The following ARPP21 variants were observed in gnomAD, a reference collection of about 807,000 sequenced individuals.
ARPP21 encodes the protein cAMP regulated phosphoprotein 21.
Under a neutral mutation model 113.2 loss-of-function variants are expected in ARPP21, and 69 were observed. The ratio of observed to expected loss-of-function variants is 0.61; its 90% CI spans 0.50 to 0.74. The LOEUF is 0.74. Among genes scored for constraint, ARPP21 ranks in the 30% least tolerant of loss-of-function variants. The pLI, the probability that ARPP21 is intolerant of heterozygous loss-of-function variation, is 0.00. For missense variants in ARPP21, 1,070 were observed against 1,037.4 expected, an observed-to-expected ratio of 1.03 and a Z score of -0.43; for synonymous variants, 368 against 375.5, an observed-to-expected ratio of 0.98 and a Z score of 0.23.
intron 19 of ARPP21, among the ~76,000 whole-genome samples, chr3:35,768,582 G>A (rs2151462365): frequency 6.6e-6 from 1 of 152,194 alleles, no homozygotes; most frequent in African/African-American, 2.4e-5. Context: ...TACAACAAAA[G>A]GAGCATTACT....
chr3:35,681,664 A>C, intron 2 of ARPP21, 50 bp from the exon 3 acceptor site: 2 of 896,132 alleles, frequency 2.2e-6, no homozygotes, highest in Non-Finnish European at 3.4e-6. Context: ...CTAAAGAATG[A>C]TAGTAAATAC....
At chr3:35,706,890 A>G in intron 9 of ARPP21, 84 bp from the exon 10 acceptor site, 3 of 990,210 alleles carry the variant, frequency 3.0e-6, no homozygotes, top group Non-Finnish European at 4.6e-6. Context: ...GTTAAATGAC[A>G]CTGTGGGGGA....
At chr3:35,670,743 C>T (rs1269945246) in intron 1 of ARPP21, among the ~76,000 whole-genome samples, 10 of 152,108 alleles carry the variant, frequency 6.6e-5, no homozygotes, top group Non-Finnish European at 1.0e-4. Flanking sequence ...AAGAAAAACA[C>T]GCAGATTCTG....
At chr3:35,768,428 G>T (rs2096068075) in intron 19 of ARPP21, among the ~76,000 whole-genome samples, 1 of 152,050 alleles carries the variant, frequency 6.6e-6, no homozygotes, top group South Asian at 2.1e-4. Context: ...CGGACATATA[G>T]TCTAAATTCT....
At chr3:35,712,352 A>G (rs544751622) in intron 11 of ARPP21, among the ~76,000 whole-genome samples, 76 of 152,056 alleles carry the variant, frequency 5.0e-4, no homozygotes, top group African/African-American at 1.8e-3. Flanking sequence ...AGTGATTTAA[A>G]TAGGTTCAAA....
chr3:35,765,806 T>A (rs572517177), intron 19 of ARPP21, among the ~76,000 whole-genome samples: 1 of 152,280 alleles, frequency 6.6e-6, no homozygotes, highest in South Asian at 2.1e-4. Flanking sequence ...AACTAAGGAA[T>A]TTGATTTCCT....
chr3:35,737,666 T>C (rs2094439008), intron 16 of ARPP21, among the ~76,000 whole-genome samples: 1 of 152,214 alleles, frequency 6.6e-6, no homozygotes, highest in South Asian at 2.1e-4. Flanking sequence ...TCTCAGAGAC[T>C]GAACTCTAGG....
chr3:35,685,466 A>C, intron 5 of ARPP21: 5 of 985,178 alleles, frequency 5.1e-6, no homozygotes, highest in Non-Finnish European at 6.0e-6. Context: ...AAAGAAACAG[A>C]CTTTTGAGTT....
At chr3:35,761,325 A>G (rs1167727910) in intron 19 of ARPP21, among the ~76,000 whole-genome samples, 2 of 152,098 alleles carry the variant, frequency 1.3e-5, no homozygotes, top group Non-Finnish European at 2.9e-5. Flanking sequence ...AGATGTAGGT[A>G]AGGTACGTGA....
chr3:35,792,070 A>G, intron 19 of ARPP21: 1 of 201,190 alleles, frequency 5.0e-6, no homozygotes, highest in Non-Finnish European at 1.0e-5. Context: ...GGTGTAATTT[A>G]TAGTAGTCAA....
intron 1 of ARPP21, among the ~76,000 whole-genome samples, chr3:35,668,017 G>A (rs181169586): frequency 1.9e-3 from 286 of 149,566 alleles, no homozygotes; most frequent in African/African-American, 6.6e-3. Context: ...AGAAGAAGAA[G>A]AAGAAGAAGA....
At chr3:35,757,811 T>G (rs1197399373) in intron 19 of ARPP21, among the ~76,000 whole-genome samples, 3 of 152,112 alleles carry the variant, frequency 2.0e-5, no homozygotes, top group African/African-American at 7.2e-5. Flanking sequence ...ATTTCTTATT[T>G]ATTTGGTATT....
intron 1 of ARPP21, among the ~76,000 whole-genome samples, chr3:35,641,966 T>C (rs1464242948): frequency 6.6e-6 from 1 of 152,216 alleles, no homozygotes; most frequent in Non-Finnish European, 1.5e-5. Context: ...CCAGGCATGA[T>C]TTATGCCATT....
chr3:35,761,461 T>C (rs973815166), intron 19 of ARPP21, among the ~76,000 whole-genome samples: 3 of 152,204 alleles, frequency 2.0e-5, no homozygotes, highest in Admixed American at 6.5e-5. Context: ...CAGGGCTGTT[T>C]ATTTGGGAAC....
At chr3:35,780,713 A>G (rs908565123) in intron 19 of ARPP21, among the ~76,000 whole-genome samples, 8 of 152,146 alleles carry the variant, frequency 5.3e-5, no homozygotes, top group African/African-American at 1.7e-4. Context: ...TCAGAAATGC[A>G]TATGTTTGAG....
In ARPP21 at chr3:35,701,477, T is replaced by C. The variant is rs1016166440; in HGVS notation, c.687-5497T>C. Among the ~76,000 whole-genome samples the C allele has an allele frequency of 1.1e-4, 17 of 151,720 alleles. 1 individual carries two copies. Among genetic ancestry groups the C allele is most frequent in the Admixed American group, 2.0e-4 (3 of 15,174 alleles). Reference sequence around the variant, plus strand: ...CTGTTAGGTGCTGTCGCCAACACCATGCTCAATATAGATAATCAAGCTCAC... The same window carrying C: ...CTGTTAGGTGCTGTCGCCAACACCACGCTCAATATAGATAATCAAGCTCAC... On this transcript the variant is annotated intron_variant, in intron 9 of 20. Transcript: ENST00000684406.
At chr3:35,675,753 G>C (rs959542406) in intron 1 of ARPP21, among the ~76,000 whole-genome samples, 1 of 151,628 alleles carries the variant, frequency 6.6e-6, no homozygotes, top group Non-Finnish European at 1.5e-5. Flanking sequence ...TGTCCACATT[G>C]GATAGATAAA....
intron 8 of ARPP21, 132 bp downstream of exon 8, chr3:35,690,272 A>G: frequency 4.8e-6 from 3 of 622,880 alleles, no homozygotes; most frequent in Non-Finnish European, 8.7e-6. Context: ...TGTTAAATGG[A>G]GACATTATTG....
chr3:35,757,253 C>T lies in ARPP21; in HGVS notation c.2137+13288C>T, dbSNP rs922133149. 2.6e-5 allele frequency among the ~76,000 whole-genome samples: 4 copies of T among 151,638 alleles called. No individual in the cohort carries two copies. In the East Asian group the frequency reaches 5.8e-4, roughly 22 times the overall value. ...AAAAAAAAAAAAAATTGTAAAGATA[C>T]GGTCTTGTTATGTTGCCCAGGCTGG... On this transcript the variant is annotated intron_variant, in intron 19 of 20. Transcript: ENST00000684406.
Sources: allele counts gnomAD v4.1 joint callset (sites outside exome capture counted in the v4.1 genomes callset), GRCh38; gene constraint gnomAD v4.1.1; transcripts MANE v1.5; gene names NCBI Gene and HGNC (gene_info 2026-07-23, HGNC 2026-07-21).